UTRN: variants seen among roughly 807,000 people sequenced by gnomAD.
UTRN encodes dystrophin-related protein 1.
Under a neutral mutation model 463.9 loss-of-function variants are expected in UTRN, and 283 were observed. That is an observed-to-expected ratio of 0.61 (90% CI 0.55 to 0.67). UTRN has a LOEUF of 0.67. Ranked by LOEUF, UTRN falls within the 30% of genes least tolerant of loss-of-function variation. The probability of loss-of-function intolerance (pLI) is 0.00; values close to 1 mark genes in which losing one functional copy is unlikely to be tolerated. For missense variants in UTRN, 3,922 were observed against 4,084.3 expected (o/e 0.96, Z 1.08); for synonymous variants, 1,442 against 1,431.5 (o/e 1.01, Z -0.17).
intron 23 of UTRN, among the ~76,000 whole-genome samples, chr6:144,470,900 C>A (rs1476468030): frequency 6.6e-6 from 1 of 151,620 alleles, no homozygotes; most frequent in Non-Finnish European, 1.5e-5. Flanking sequence ...GCGGCGCGCA[C>A]CTGCGATCCC....
intron 2 of UTRN, among the ~76,000 whole-genome samples, chr6:144,360,325 A>G (rs990411445): frequency 3.3e-5 from 5 of 151,704 alleles, no homozygotes; most frequent in Non-Finnish European, 4.4e-5. Flanking sequence ...GGTGCCTGCC[A>G]CCATGCCTGG....
rs1261163058 is a variant in UTRN, at chr6:144,436,020, A to G, written c.941A>G (p.Tyr314Cys). 4 of 1,614,252 alleles carry G rather than the reference A, an allele frequency of 2.5e-6. No homozygotes were observed. Among genetic ancestry groups the G allele is most frequent in the Non-Finnish European group, 1.7e-6 (2 of 1,180,046 alleles). The change falls in exon 10 of 75, where the codon TAT (tyrosine) becomes TGT (cysteine). Residue 314 changes from tyrosine (Y) to cysteine (C), a missense_variant. Transcript: ENST00000367545. ...GAGGTTGACATGGATCTGGACAGCT[A>G]TCAGATTGCGTTGGAGGAAGTGCTG... ...VTEVDMDLDS[Y>C]QIALEEVLTW... is the part of the protein sequence containing the mutation.
At chr6:144,674,659 C>G (rs1218535499) in intron 51 of UTRN, among the ~76,000 whole-genome samples, 1 of 152,120 alleles carries the variant, frequency 6.6e-6, no homozygotes, top group Non-Finnish European at 1.5e-5. Flanking sequence ...CAGGCTCAAG[C>G]AGTCTTCCCA....
intron 33 of UTRN, among the ~76,000 whole-genome samples, chr6:144,497,427 G>A (rs1361163017): frequency 6.6e-6 from 1 of 150,916 alleles, no homozygotes; most frequent in Non-Finnish European, 1.5e-5. Flanking sequence ...TGTAATCTTT[G>A]CACGTTGGGA....
intron 50 of UTRN, among the ~76,000 whole-genome samples, chr6:144,564,284 C>T (rs1037342609): frequency 6.6e-6 from 1 of 152,242 alleles, no homozygotes; most frequent in African/African-American, 2.4e-5. Context: ...GAAAGCATAA[C>T]TTGGTGGCAT....
At chr6:144,779,205 A>G (rs1457311926) in intron 60 of UTRN, among the ~76,000 whole-genome samples, 5 of 152,196 alleles carry the variant, frequency 3.3e-5, no homozygotes, top group Non-Finnish European at 1.5e-5. Context: ...TAATGTTGGA[A>G]TTCAGAAAAC....
At chr6:144,315,960 A>G (rs1216237393) in intron 2 of UTRN, among the ~76,000 whole-genome samples, 1 of 151,736 alleles carries the variant, frequency 6.6e-6, no homozygotes, top group African/African-American at 2.4e-5. Context: ...TTCCCTGTAC[A>G]CTCCCTCTTT....
intron 7 of UTRN, among the ~76,000 whole-genome samples, chr6:144,426,733 A>G (rs1785325319): frequency 6.6e-6 from 1 of 152,188 alleles, no homozygotes. Flanking sequence ...ACAAAGTTCA[A>G]CCCCACTCAT....
At chr6:144,608,691 A>T (rs1474156123) in intron 51 of UTRN, among the ~76,000 whole-genome samples, 3 of 152,062 alleles carry the variant, frequency 2.0e-5, no homozygotes, top group Non-Finnish European at 2.9e-5. Context: ...CCTTTGTGGG[A>T]GGGAGATATG....
At chr6:144,747,186 C>A (rs1456170080) in intron 54 of UTRN, among the ~76,000 whole-genome samples, 1 of 152,148 alleles carries the variant, frequency 6.6e-6, no homozygotes, top group Admixed American at 6.5e-5. Context: ...GTGATGTGTA[C>A]TGAAAGATGA....
intron 54 of UTRN, among the ~76,000 whole-genome samples, chr6:144,740,844 G>C (rs1047705259): frequency 2.6e-5 from 4 of 152,132 alleles, no homozygotes; most frequent in African/African-American, 9.7e-5. Flanking sequence ...TTGTTTGATA[G>C]ACATAGCATT....
At chr6:144,791,542 C>G (rs1211474197) in intron 62 of UTRN, among the ~76,000 whole-genome samples, 1 of 151,272 alleles carries the variant, frequency 6.6e-6, no homozygotes, top group Non-Finnish European at 1.5e-5. Flanking sequence ...CACCACACTT[C>G]CAGCCTGGAT....
At chr6:144,443,156 G>A (rs747811601) in intron 13 of UTRN, among the ~76,000 whole-genome samples, 2 of 152,122 alleles carry the variant, frequency 1.3e-5, no homozygotes, top group Non-Finnish European at 2.9e-5. Flanking sequence ...AACAATACTT[G>A]GATTTTCTGG....
At chr6:144,714,980 T>C (rs1786229991) in intron 53 of UTRN, among the ~76,000 whole-genome samples, 1 of 152,178 alleles carries the variant, frequency 6.6e-6, no homozygotes, top group Non-Finnish European at 1.5e-5. Context: ...CTCTCCCCTG[T>C]CTTCTAAAAT....
rs1199579909 is a variant in UTRN at position 144,622,184 on chromosome 6, G to GTTTTTTTTTTTTT, written c.7479+44905_7479+44917dup. On this transcript the variant is annotated intron_variant, in intron 51 of 74. Coordinates refer to ENST00000367545, the MANE Select transcript of UTRN (RefSeq NM_007124.3). The stretch of plus-strand genomic sequence containing the variant: ...TAGATGGTATCCATTTTTTTTTGTT[G>GTTTTTTTTTTTTT]TTTTTTTTTTTTTTTTTTTTTGGAG... Among the ~76,000 whole-genome samples, 13 of 88,212 alleles carry GTTTTTTTTTTTTT rather than the reference G, an allele frequency of 1.5e-4. 1 individual carries two copies. The highest frequency in any genetic ancestry group is 1.3e-3 in the East Asian group (3 of 2,310). The allele number at this position is 88,212 out of a possible 152,430, so 57.9% of individuals were successfully genotyped here. A position where few individuals can be genotyped will look rare whatever the true frequency, so the allele number is the denominator to read the frequency against.
chr6:144,352,566 G>A (rs966239154), intron 2 of UTRN, among the ~76,000 whole-genome samples: 1 of 152,152 alleles, frequency 6.6e-6, no homozygotes, highest in African/African-American at 2.4e-5. Flanking sequence ...TCCTGCTGTT[G>A]CAAGGAGAAT....
intron 64 of UTRN, among the ~76,000 whole-genome samples, chr6:144,801,047 G>A (rs958908731): frequency 1.3e-5 from 2 of 152,170 alleles, no homozygotes; most frequent in African/African-American, 4.8e-5. Context: ...AGGCGAATAT[G>A]TGCAAACAAC....
At chr6:144,735,243 G>A (rs1036788630) in intron 54 of UTRN, among the ~76,000 whole-genome samples, 5 of 152,212 alleles carry the variant, frequency 3.3e-5, no homozygotes, top group Non-Finnish European at 5.9e-5. Context: ...AGGACTCTGA[G>A]GGTCAGAGTG....
In UTRN at chr6:144,310,535, C is replaced by CAA. The variant is rs59215811; in HGVS notation, c.79+18645_79+18646dup. ...GGGTAACAAGAGTGAAACTCCGTCT[C>CAA]AAAAAAAAAAAAAAAAAATGGCTGG... On this transcript the variant is annotated intron_variant, in intron 2 of 74. Transcript: ENST00000367545. Among the ~76,000 whole-genome samples the CAA allele has an allele frequency of 3.7e-3, 339 of 92,002 alleles. 4 individuals are homozygous for CAA. The highest frequency in any genetic ancestry group is 4.9e-3 in the Non-Finnish European group (223 of 45,696). 60.4% of individuals were successfully genotyped at this position (92,002 alleles called of 152,430 possible).
Sources: allele counts gnomAD v4.1 joint callset (sites outside exome capture counted in the v4.1 genomes callset), GRCh38; gene constraint gnomAD v4.1.1; transcripts MANE v1.5; gene names NCBI Gene and HGNC (gene_info 2026-07-23, HGNC 2026-07-21).